The following TENM3 variants were observed in gnomAD, a reference collection of about 807,000 sequenced individuals.
TENM3 encodes teneurin-3.
In TENM3, 63 loss-of-function variants were observed where a neutral mutation model predicts 255.1. That is an observed-to-expected ratio of 0.25 (90% CI 0.20 to 0.30). The LOEUF (loss-of-function observed/expected upper bound fraction) is 0.30, where lower values mean the gene tolerates loss of function less well. Among genes scored for constraint, TENM3 ranks in the 10% least tolerant of loss-of-function variants. The probability of loss-of-function intolerance (pLI) is 1.00; values close to 1 mark genes in which losing one functional copy is unlikely to be tolerated. For missense variants in TENM3, 2,929 were observed against 3,461.1 expected (o/e 0.85, Z 3.86); for synonymous variants, 1,306 against 1,322.3 (o/e 0.99, Z 0.27).
chr4:181,877,937 C>T, the TENM3 span, among the ~76,000 whole-genome samples: 2 of 152,236 alleles, frequency 1.3e-5, no homozygotes, highest in South Asian at 4.2e-4. Flanking sequence ...AACAGAGGAG[C>T]CTAGTGTAGG....
intron 7 of TENM3, among the ~76,000 whole-genome samples, chr4:182,677,367 A>G (rs937169428): frequency 2.0e-5 from 3 of 152,194 alleles, no homozygotes; most frequent in African/African-American, 7.2e-5. Flanking sequence ...TTTGCCTTGA[A>G]AGACCAGCTA....
chr4:182,602,070 C>T (rs947716074), intron 4 of TENM3, among the ~76,000 whole-genome samples: 3 of 152,252 alleles, frequency 2.0e-5, no homozygotes, highest in African/African-American at 7.2e-5. Flanking sequence ...TCAGGATCTC[C>T]TGGCATATAA....
chr4:181,582,416 A>T, the TENM3 span, among the ~76,000 whole-genome samples: 7 of 152,164 alleles, frequency 4.6e-5, no homozygotes, highest in African/African-American at 1.7e-4. Context: ...AATGAACCAG[A>T]GGCCCAGGCA....
chr4:182,576,742 T>A (rs1369248315), intron 3 of TENM3, among the ~76,000 whole-genome samples: 1 of 152,050 alleles, frequency 6.6e-6, no homozygotes, highest in Non-Finnish European at 1.5e-5. Context: ...CTCTACTAAC[T>A]CTCATCACCC....
the TENM3 span, among the ~76,000 whole-genome samples, chr4:181,482,693 G>C: frequency 6.6e-6 from 1 of 151,990 alleles, no homozygotes; most frequent in Non-Finnish European, 1.5e-5. Context: ...TCTGCTTTTG[G>C]GTCACTTTTG....
the TENM3 span, among the ~76,000 whole-genome samples, chr4:181,899,570 T>A: frequency 6.6e-6 from 1 of 152,008 alleles, no homozygotes; most frequent in Non-Finnish European, 1.5e-5. Context: ...TGTTTTTTGT[T>A]TTTTGGGGTT....
chr4:181,676,596 T>C, the TENM3 span, among the ~76,000 whole-genome samples: 4 of 151,830 alleles, frequency 2.6e-5, no homozygotes, highest in African/African-American at 9.7e-5. Context: ...CTATGAAACA[T>C]TGGATTAGAA....
At position 182,800,481 on chromosome 4, in the gene TENM3, C is replaced by T. The variant is rs1057201460; in HGVS notation, c.*130C>T. 1 of 1,179,310 alleles carries T rather than the reference C, an allele frequency of 8.5e-7. No homozygotes were observed. The highest frequency in any genetic ancestry group is 1.6e-5 in the South Asian group (1 of 62,072). The allele number at this position is 1,179,310 out of a possible 1,614,324, so 73.1% of individuals were successfully genotyped here. On this transcript the variant is annotated 3_prime_UTR_variant, in exon 28 of 28. Transcript: ENST00000511685. Reference sequence around the variant, plus strand: ...TGAGACTGCTGTTACGACCCACACCCACACCGCGAAAACAAGGACCGCTTT... The same window carrying T: ...TGAGACTGCTGTTACGACCCACACCTACACCGCGAAAACAAGGACCGCTTT...
chr4:181,505,685 G>A, the TENM3 span, among the ~76,000 whole-genome samples: 1 of 152,082 alleles, frequency 6.6e-6, no homozygotes, highest in Non-Finnish European at 1.5e-5. Context: ...AGAACCAGAG[G>A]ACCAAGCTCT....
intron 4 of TENM3, among the ~76,000 whole-genome samples, chr4:182,618,311 T>C (rs1749739567): frequency 6.6e-6 from 1 of 152,134 alleles, no homozygotes; most frequent in Non-Finnish European, 1.5e-5. Flanking sequence ...ATATTAAAGA[T>C]AAAATGATTA....
At chr4:181,917,265 G>T in the TENM3 span, among the ~76,000 whole-genome samples, 2 of 152,100 alleles carry the variant, frequency 1.3e-5, no homozygotes, top group Admixed American at 1.3e-4. Flanking sequence ...ATTCAAAGGC[G>T]GTAGGTATAG....
the TENM3 span, among the ~76,000 whole-genome samples, chr4:181,621,035 A>G: frequency 6.6e-6 from 1 of 152,150 alleles, no homozygotes; most frequent in Non-Finnish European, 1.5e-5. Flanking sequence ...CATTTTAACT[A>G]GTTTTTTCTC....
At chr4:182,797,859 G>A (rs1766609110) in intron 27 of TENM3, among the ~76,000 whole-genome samples, 2 of 152,102 alleles carry the variant, frequency 1.3e-5, no homozygotes, top group South Asian at 2.1e-4. Context: ...AGGCAGCCAT[G>A]GTTAACACAC....
chr4:181,485,481 A>T, the TENM3 span, among the ~76,000 whole-genome samples: 1 of 150,782 alleles, frequency 6.6e-6, no homozygotes, highest in African/African-American at 2.5e-5. Context: ...GTAGAAGAAG[A>T]TTTTTTTTAA....
At chr4:182,100,530 C>T in the TENM3 span, among the ~76,000 whole-genome samples, 2 of 137,200 alleles carry the variant, frequency 1.5e-5, no homozygotes, top group African/African-American at 2.8e-5. Flanking sequence ...CATATATATA[C>T]ACACATATAT....
the TENM3 span, among the ~76,000 whole-genome samples, chr4:181,845,607 G>A: frequency 2.0e-5 from 3 of 152,172 alleles, no homozygotes; most frequent in Non-Finnish European, 1.5e-5. Flanking sequence ...TCTCTATCAA[G>A]TGCAAGGGCA....
chr4:181,724,513 A>G, the TENM3 span, among the ~76,000 whole-genome samples: 3 of 152,158 alleles, frequency 2.0e-5, no homozygotes, highest in Non-Finnish European at 4.4e-5. Flanking sequence ...TTCTAAAGTA[A>G]CTTATTTTTA....
At chr4:181,499,746 T>G in the TENM3 span, among the ~76,000 whole-genome samples, 2 of 152,194 alleles carry the variant, frequency 1.3e-5, no homozygotes, top group African/African-American at 2.4e-5. Flanking sequence ...GAAATGGATA[T>G]GATTGCTGTA....
the TENM3 span, among the ~76,000 whole-genome samples, chr4:181,589,288 G>C: frequency 6.6e-6 from 1 of 152,162 alleles, no homozygotes; most frequent in Non-Finnish European, 1.5e-5. Context: ...ATCATGAACT[G>C]TTCTGACTCT....
Sources: allele counts gnomAD v4.1 joint callset (sites outside exome capture counted in the v4.1 genomes callset), GRCh38; gene constraint gnomAD v4.1.1; transcripts MANE v1.5; gene names NCBI Gene and HGNC (gene_info 2026-07-23, HGNC 2026-07-21).